PRH1: variants seen among roughly 807,000 people sequenced by gnomAD.
PRH1 encodes the protein proline rich protein HaeIII subfamily 1.
In PRH1, 7 loss-of-function variants were observed where a neutral mutation model predicts 7.9. The ratio of observed to expected loss-of-function variants is 0.89; its 90% CI spans 0.50 to 1.67. PRH1 has a LOEUF of 1.67. Ranked by LOEUF, PRH1 falls within the 40% of genes most tolerant of loss-of-function variation. The pLI, the probability that PRH1 is intolerant of heterozygous loss-of-function variation, is 0.00. For synonymous variants in PRH1, 45 were observed against 80.8 expected, an observed-to-expected ratio of 0.56 and a Z score of 2.38; for missense variants, 109 against 223.6, an observed-to-expected ratio of 0.49 and a Z score of 3.27.
intron 1 of PRH1, among the ~76,000 whole-genome samples, chr12:10,977,334 G>T (rs146422018): frequency 1.8e-4 from 28 of 152,266 alleles, no homozygotes; most frequent in African/African-American, 6.5e-4. Context: ...CATCTCGATA[G>T]ATGCAGAAAA....
intron 2 of PRH1, chr12:10,929,255 C>T: frequency 6.2e-7 from 1 of 1,614,188 alleles, no homozygotes; most frequent in Non-Finnish European, 8.5e-7. Context: ...TTGGGAGTGA[C>T]ACCAGAGCCT....
At chr12:11,069,776 G>C (rs1428560676) in intron 1 of PRH1, among the ~76,000 whole-genome samples, 1 of 152,202 alleles carries the variant, frequency 6.6e-6, no homozygotes, top group African/African-American at 2.4e-5. Flanking sequence ...GTCGGCCTTT[G>C]AAGTGGAAAA....
At chr12:10,990,930 G>A (rs1420616220) in intron 1 of PRH1, among the ~76,000 whole-genome samples, 1 of 152,218 alleles carries the variant, frequency 6.6e-6, no homozygotes, top group African/African-American at 2.4e-5. Flanking sequence ...ATTAACAGAA[G>A]AGGGAAAGGC....
At chr12:11,129,172 C>T (rs1946244397) in intron 1 of PRH1, among the ~76,000 whole-genome samples, 1 of 152,290 alleles carries the variant, frequency 6.6e-6, no homozygotes, top group Non-Finnish European at 1.5e-5. Context: ...ACCTTGGCCT[C>T]CCAAAGTACT....
intron 2 of PRH1, among the ~76,000 whole-genome samples, chr12:10,936,507 G>C (rs527998130): frequency 4.6e-5 from 7 of 151,894 alleles, no homozygotes; most frequent in Non-Finnish European, 8.8e-5. Flanking sequence ...ACTATAATCA[G>C]GTAACAAACA....
At chr12:11,014,249 T>C (rs896221266) in intron 1 of PRH1, among the ~76,000 whole-genome samples, 1 of 120,342 alleles carries the variant, frequency 8.3e-6, no homozygotes, top group Non-Finnish European at 1.9e-5. Flanking sequence ...CCTTGGGCAG[T>C]CTGATATTTT....
At chr12:11,022,565 A>G in intron 1 of PRH1, 2 of 1,606,558 alleles carry the variant, frequency 1.2e-6, no homozygotes, top group Non-Finnish European at 1.7e-6. Context: ...AGCAGAAAAC[A>G]CATCATGTTT....
chr12:11,098,654 C>T (rs959640516), intron 1 of PRH1, among the ~76,000 whole-genome samples: 2 of 152,198 alleles, frequency 1.3e-5, no homozygotes, highest in Non-Finnish European at 2.9e-5. Flanking sequence ...AAGATCATTA[C>T]CAATATGGAC....
intron 1 of PRH1, among the ~76,000 whole-genome samples, chr12:11,099,381 G>A (rs1374364791): frequency 6.6e-5 from 10 of 151,914 alleles, no homozygotes. Flanking sequence ...CCAAGATGCC[G>A]AATTTGGCCC....
rs1202414081 is a variant in PRH1 at position 11,168,436 on chromosome 12, G to GA, written n.39+2985dup. Among the ~76,000 whole-genome samples the GA allele has an allele frequency of 1.2e-4, 17 of 144,930 alleles. 1 individual carries two copies. In the South Asian group the frequency reaches 3.7e-3, roughly 32 times the overall value. On this transcript the variant is annotated intron_variant and non_coding_transcript_variant, in intron 1 of 1. Coordinates refer to the PRH1 transcript ENST00000541175. ...AGAAAGAAAGGAAAAGAAAAGAAAA[G>GA]AAAAAAGAAAGAAAGAAAGAGAAAA...
At chr12:10,911,232 A>C (rs1949895001) in intron 2 of PRH1, among the ~76,000 whole-genome samples, 1 of 152,176 alleles carries the variant, frequency 6.6e-6, no homozygotes, top group African/African-American at 2.4e-5. Context: ...CTGTACAAAT[A>C]GGCCTGAGGA....
At chr12:11,117,135 T>C (rs147264548), downstream of PRH1, among the ~76,000 whole-genome samples, 4 of 152,242 alleles carry the variant, frequency 2.6e-5, no homozygotes, top group Non-Finnish European at 5.9e-5. Context: ...TTACGCTTGT[T>C]TGTAAACAAT....
intron 2 of PRH1, among the ~76,000 whole-genome samples, chr12:10,968,632 GGGAGGGAACT>G: frequency 1.3e-5 from 2 of 152,338 alleles, no homozygotes; most frequent in South Asian, 2.1e-4. Flanking sequence ...ACCCCTTCAT[GGGAGGGAACT>G]GGGGCTCACT....
At chr12:11,138,350 G>A (rs2708370) in intron 1 of PRH1, among the ~76,000 whole-genome samples, 69,151 of 151,930 alleles carry the variant, frequency 0.46, 16,537 homozygotes, top group Non-Finnish European at 0.53. Context: ...CAAAGATCAT[G>A]CTAAATATGT....
intron 2 of PRH1, among the ~76,000 whole-genome samples, chr12:10,899,916 T>C (rs1373919822): frequency 6.6e-6 from 1 of 152,180 alleles, no homozygotes. Context: ...TTTTTAAAAA[T>C]TGAATTCTTA....
intron 1 of PRH1, among the ~76,000 whole-genome samples, chr12:11,111,722 C>G (rs190584040): frequency 1.3e-5 from 2 of 152,152 alleles, no homozygotes; most frequent in African/African-American, 4.8e-5. Flanking sequence ...AGTTGACACC[C>G]TAGCATCACA....
chr12:11,018,551 T>A (rs1185192894), intron 1 of PRH1, among the ~76,000 whole-genome samples: 1 of 152,250 alleles, frequency 6.6e-6, no homozygotes, highest in Non-Finnish European at 1.5e-5. Context: ...GTTGCTCACT[T>A]CATGTAAAGT....
chr12:11,069,895 C>G (rs1943989206), intron 1 of PRH1, among the ~76,000 whole-genome samples: 1 of 152,178 alleles, frequency 6.6e-6, no homozygotes, highest in Admixed American at 6.5e-5. Flanking sequence ...AAATTCACCA[C>G]AGAATATTCA....
intron 1 of PRH1, chr12:11,078,349 A>G (rs73062952): frequency 0.35 from 57,143 of 161,784 alleles, 11,299 homozygotes; most frequent in Admixed American, 0.41. Flanking sequence ...TAAATGTGCA[A>G]TAACATTTTC....
Sources: gnomAD v4.1 joint callset for allele counts (sites outside exome capture counted in the v4.1 genomes callset) on GRCh38, gnomAD v4.1.1 for gene constraint, MANE v1.5 for transcripts, NCBI Gene and HGNC (gene_info 2026-07-23, HGNC 2026-07-21) for gene names.